The following PARP11 variants were observed in gnomAD, a reference collection of about 807,000 sequenced individuals.
PARP11 encodes the protein protein mono-ADP-ribosyltransferase PARP11.
A neutral mutation model predicts 42.9 loss-of-function variants in PARP11; 31 were observed. The ratio of observed to expected loss-of-function variants is 0.72; its 90% CI spans 0.54 to 0.98. The LOEUF (loss-of-function observed/expected upper bound fraction) is 0.98, where lower values mean the gene tolerates loss of function less well. PARP11 is among the 50% of genes least tolerant of loss of function. The pLI is 0.00. For missense variants in PARP11, 365 were observed against 413.1 expected (o/e 0.88, Z 1.01); for synonymous variants, 137 against 127.3 (o/e 1.08, Z -0.51).
chr12:3,866,507 T>C (rs1447666908), intron 1 of PARP11, among the ~76,000 whole-genome samples: 1 of 152,218 alleles, frequency 6.6e-6, no homozygotes, highest in African/African-American at 2.4e-5. Flanking sequence ...AATGTAAGAT[T>C]AATAATTTGT....
chr12:3,837,473 A>G (rs147507495), intron 1 of PARP11, among the ~76,000 whole-genome samples: 1,728 of 152,330 alleles, frequency 0.011, 25 homozygotes, highest in African/African-American at 0.039. Flanking sequence ...ATAAAAACTA[A>G]TGAGTTAAAA....
At chr12:3,822,209 G>T in intron 4 of PARP11, 52 bp from the exon 5 acceptor site, 1 of 1,365,690 alleles carries the variant, frequency 7.3e-7, no homozygotes, top group Non-Finnish European at 1.0e-6. Context: ...TACAATTACT[G>T]TCAAGAACTT....
At chr12:3,862,826 G>A (rs552221809) in intron 1 of PARP11, among the ~76,000 whole-genome samples, 2 of 151,522 alleles carry the variant, frequency 1.3e-5, no homozygotes, top group African/African-American at 4.8e-5. Context: ...TTTGATTATT[G>A]TTGCTTCACA....
intron 3 of PARP11, among the ~76,000 whole-genome samples, chr12:3,828,544 CAAA>C (rs543241542): frequency 1.3e-5 from 1 of 75,928 alleles, no homozygotes; most frequent in Non-Finnish European, 2.9e-5. Flanking sequence ...TGAGACGTCT[CAAA>C]AAAAAAAAAA....
At chr12:3,849,337 G>A (rs1434318327) in intron 1 of PARP11, among the ~76,000 whole-genome samples, 1 of 152,090 alleles carries the variant, frequency 6.6e-6, no homozygotes, top group Non-Finnish European at 1.5e-5. Context: ...TCAGTACACT[G>A]AAGGGATATC....
chr12:3,852,415 G>T (rs1159515858), intron 1 of PARP11, among the ~76,000 whole-genome samples: 1 of 152,138 alleles, frequency 6.6e-6, no homozygotes, highest in Non-Finnish European at 1.5e-5. Context: ...TGGCTAACTA[G>T]AACAAACAGT....
intron 1 of PARP11, among the ~76,000 whole-genome samples, chr12:3,835,041 G>C (rs1183155366): frequency 6.6e-6 from 1 of 152,166 alleles, no homozygotes; most frequent in Non-Finnish European, 1.5e-5. Flanking sequence ...ATCCCTGACA[G>C]TCTGGAACAC....
chr12:3,868,610 T>C (rs12320803), intron 1 of PARP11, among the ~76,000 whole-genome samples: 1,642 of 152,328 alleles, frequency 0.011, 32 homozygotes, highest in African/African-American at 0.037. Context: ...ATCTTCCATA[T>C]GGCTCAGTGA....
chr12:3,862,699 A>G (rs528134684), intron 1 of PARP11, among the ~76,000 whole-genome samples: 2 of 151,938 alleles, frequency 1.3e-5, no homozygotes, highest in Non-Finnish European at 2.9e-5. Context: ...AGTTAAAACA[A>G]CTGTCCTTTT....
chr12:3,810,337 C>G lies in PARP11; in HGVS notation c.*1786G>C, dbSNP rs553478324. Reference sequence around the variant, plus strand: ...GGGTACAGCGGCTCATGCCTGTAATCTCAGCACTTTGGAAGGCTGAGGCAG... The same window carrying G: ...GGGTACAGCGGCTCATGCCTGTAATGTCAGCACTTTGGAAGGCTGAGGCAG... On this transcript the variant is annotated 3_prime_UTR_variant, in exon 8 of 8. Transcript: ENST00000228820. 1 of 152,222 alleles carries G rather than the reference C, an allele frequency of 6.6e-6. No individual in the cohort carries two copies. Among genetic ancestry groups the G allele is most frequent in the East Asian group, 1.9e-4 (1 of 5,198 alleles). 9.4% of individuals were successfully genotyped at this position (152,222 alleles called of 1,614,324 possible). A position where few individuals can be genotyped will look rare whatever the true frequency, so the allele number is the denominator to read the frequency against.
intron 1 of PARP11, among the ~76,000 whole-genome samples, chr12:3,845,596 A>T (rs1480354292): frequency 6.6e-6 from 1 of 152,190 alleles, no homozygotes; most frequent in Admixed American, 6.5e-5. Flanking sequence ...TTACTTAAGG[A>T]TACTAAGCAA....
chr12:3,839,981 C>T, intron 1 of PARP11: 1 of 1,505,378 alleles, frequency 6.6e-7, no homozygotes, highest in Non-Finnish European at 9.3e-7. Context: ...AAACCTTTGT[C>T]AGGCAACGAG....
rs1486025460 is a variant in PARP11 at position 3,840,096 on chromosome 12, G to T, written c.19-10078C>A. The T allele has an allele frequency of 1.9e-6, 3 of 1,608,912 alleles. No individual in the cohort carries two copies. In the African/African-American group the frequency reaches 4.0e-5, roughly 22 times the overall value. On this transcript the variant is annotated intron_variant, in intron 1 of 7. Coordinates refer to ENST00000228820, the MANE Select transcript of PARP11 (RefSeq NM_020367.6). The surrounding 1 kb of genome is among the most constrained non-coding windows in gnomAD (Gnocchi z 4.4). ...GAAATGTGGAATATGAAATTTGGCTGGAGTCTAAACAAGCTCAGCAAAAAC... is the reference window on the plus strand; with the variant it reads ...GAAATGTGGAATATGAAATTTGGCTTGAGTCTAAACAAGCTCAGCAAAAAC...
chr12:3,849,193 C>G (rs1463597302), intron 1 of PARP11, among the ~76,000 whole-genome samples: 1 of 151,910 alleles, frequency 6.6e-6, no homozygotes, highest in Admixed American at 6.6e-5. Context: ...GAAAATGGAA[C>G]CCTCGTTCAC....
intron 1 of PARP11, among the ~76,000 whole-genome samples, chr12:3,846,537 G>A (rs369021894): frequency 7.3e-5 from 11 of 149,810 alleles, no homozygotes; most frequent in East Asian, 6.0e-4. Flanking sequence ...TGGGTGGATC[G>A]TGAGGTCAGG....
intron 1 of PARP11, among the ~76,000 whole-genome samples, chr12:3,856,402 A>T (rs964951544): frequency 6.6e-6 from 1 of 152,208 alleles, no homozygotes; most frequent in African/African-American, 2.4e-5. Flanking sequence ...GAATCTACAA[A>T]GAACTCAAAC....
chr12:3,872,575 A>C, intron 1 of PARP11: 1 of 985,414 alleles, frequency 1.0e-6, no homozygotes, highest in Non-Finnish European at 1.2e-6. Flanking sequence ...TTGTCCACCG[A>C]ACGAAAACAT....
intron 1 of PARP11, among the ~76,000 whole-genome samples, chr12:3,834,697 A>C (rs1415864293): frequency 6.6e-6 from 1 of 151,938 alleles, no homozygotes; most frequent in Non-Finnish European, 1.5e-5. Flanking sequence ...CAATTAAGAA[A>C]GGCTAGGAGC....
chr12:3,863,599 A>G (rs983203423), intron 1 of PARP11, among the ~76,000 whole-genome samples: 1 of 152,214 alleles, frequency 6.6e-6, no homozygotes, highest in Non-Finnish European at 1.5e-5. Context: ...CAGTGAAAGA[A>G]CATAGAGTAA....
Sources: allele counts gnomAD v4.1 joint callset (sites outside exome capture counted in the v4.1 genomes callset), GRCh38; gene constraint gnomAD v4.1.1; non-coding constraint Gnocchi (gnomAD v3.1); transcripts MANE v1.5; gene names NCBI Gene and HGNC (gene_info 2026-07-23, HGNC 2026-07-21).